WASF3: variants seen among roughly 807,000 people sequenced by gnomAD.
WASF3 encodes WASP family member 3.
In WASF3, 11 loss-of-function variants were observed where a neutral mutation model predicts 46.6. The ratio of observed to expected loss-of-function variants is 0.24; its 90% CI spans 0.15 to 0.39. The LOEUF (loss-of-function observed/expected upper bound fraction) is 0.39, where lower values mean the gene tolerates loss of function less well. Among genes scored for constraint, WASF3 ranks in the 10% least tolerant of loss-of-function variants. The pLI is 1.00. For missense variants in WASF3, 576 were observed against 669.8 expected (o/e 0.86, Z 1.55); for synonymous variants, 242 against 259.7 (o/e 0.93, Z 0.65).
chr13:26,541,498 T>C, the WASF3 span, among the ~76,000 whole-genome samples: 1 of 152,190 alleles, frequency 6.6e-6, no homozygotes. Context: ...AGCACTTAAG[T>C]GGTGCCTGGT....
intron 3 of WASF3, among the ~76,000 whole-genome samples, chr13:26,648,804 A>C (rs1882227404): frequency 6.6e-6 from 1 of 152,190 alleles, no homozygotes; most frequent in Admixed American, 6.5e-5. Context: ...AGAAGATAGA[A>C]GTTCTGTCAG....
chr13:26,564,904 T>TC, intron 1 of WASF3, among the ~76,000 whole-genome samples: 1 of 143,256 alleles, frequency 7.0e-6, no homozygotes, highest in South Asian at 2.2e-4. Context: ...GTTGTGGTTT[T>TC]TTTTTTTTTT....
Position 26,676,544 on chromosome 13 carries a change from A to G in WASF3, c.541-5A>G, listed in dbSNP as rs202051909. On this transcript the variant is annotated splice_region_variant and splice_polypyrimidine_tract_variant and intron_variant, in intron 6 of 9. Coordinates refer to ENST00000335327, the MANE Select transcript of WASF3 (RefSeq NM_006646.6). ...GCATGCTCTCTTTCCTTTCCTGGAC[A>G]TCAGGAGCAAAAGCGTATAGATGGC... is the stretch of plus-strand genomic sequence containing the variant. 1.1e-4 allele frequency: 181 copies of G among 1,612,660 alleles called. No individual in the cohort carries two copies. The highest frequency in any genetic ancestry group is 6.7e-5 in the Admixed American group (4 of 59,730).
At chr13:26,613,702 G>A (rs972171729) in intron 2 of WASF3, among the ~76,000 whole-genome samples, 3 of 152,090 alleles carry the variant, frequency 2.0e-5, no homozygotes, top group African/African-American at 4.8e-5. Flanking sequence ...CCCAGAAGGC[G>A]GAGCTTGCAG....
chr13:26,637,856 A>G (rs1881876438), intron 2 of WASF3, among the ~76,000 whole-genome samples: 1 of 152,166 alleles, frequency 6.6e-6, no homozygotes, highest in Non-Finnish European at 1.5e-5. Context: ...CCATCTCACC[A>G]CCTGCTTTCT....
chr13:26,546,571 G>T, the WASF3 span, among the ~76,000 whole-genome samples: 3 of 152,076 alleles, frequency 2.0e-5, no homozygotes, highest in African/African-American at 7.2e-5. Flanking sequence ...ATTAGGCTGG[G>T]TGGGGTGGCG....
chr13:26,630,842 G>C (rs1276812094), intron 2 of WASF3, among the ~76,000 whole-genome samples: 2 of 152,136 alleles, frequency 1.3e-5, no homozygotes, highest in Non-Finnish European at 2.9e-5. Flanking sequence ...ACTTTTTAAT[G>C]ATTGCCATTC....
chr13:26,631,796 A>T (rs918267085), intron 2 of WASF3, among the ~76,000 whole-genome samples: 4 of 152,160 alleles, frequency 2.6e-5, no homozygotes, highest in African/African-American at 9.7e-5. Flanking sequence ...GATTCTTCCT[A>T]TCCATGAGCA....
chr13:26,625,089 AT>A (rs1338826497), intron 2 of WASF3, among the ~76,000 whole-genome samples: 1 of 152,112 alleles, frequency 6.6e-6, no homozygotes, highest in East Asian at 1.9e-4. Flanking sequence ...AATATGTTAT[AT>A]TTTTTCTTAT....
intron 2 of WASF3, among the ~76,000 whole-genome samples, chr13:26,631,991 A>G (rs1476873588): frequency 2.0e-5 from 3 of 152,232 alleles, no homozygotes; most frequent in African/African-American, 7.2e-5. Flanking sequence ...ATTGGTGTAT[A>G]GGAATGCTTG....
chr13:26,632,904 G>A (rs1259948691), intron 2 of WASF3, among the ~76,000 whole-genome samples: 1 of 151,958 alleles, frequency 6.6e-6, no homozygotes, highest in Non-Finnish European at 1.5e-5. Flanking sequence ...GTCTTGGGAG[G>A]GTGTATGTGT....
At chr13:26,636,824 G>A (rs1881839105) in intron 2 of WASF3, among the ~76,000 whole-genome samples, 1 of 152,174 alleles carries the variant, frequency 6.6e-6, no homozygotes, top group Non-Finnish European at 1.5e-5. Context: ...CATATCACAG[G>A]TGTGTTGCCC....
In WASF3 at chr13:26,613,235, T is replaced by A. The variant is rs561511853; in HGVS notation, c.-11+177T>A. Among the ~76,000 whole-genome samples, 58 of 151,506 alleles carry A rather than the reference T, an allele frequency of 3.8e-4. No homozygotes were observed. In the South Asian group the frequency reaches 0.011, roughly 30 times the overall value. On this transcript the variant is annotated intron_variant, in intron 2 of 9. Coordinates refer to ENST00000335327, the MANE Select transcript of WASF3 (RefSeq NM_006646.6). ...GCAGGTAATATTTTAGAGCTTTAGA[T>A]CCTAATTAATAGTTTGGGACATTGA...
At chr13:26,611,702 C>A (rs1350551918) in intron 1 of WASF3, among the ~76,000 whole-genome samples, 1 of 152,150 alleles carries the variant, frequency 6.6e-6, no homozygotes, top group Non-Finnish European at 1.5e-5. Context: ...AAAAAGCTCA[C>A]TTTTCTCTTT....
At chr13:26,634,699 C>T (rs1881763494) in intron 2 of WASF3, among the ~76,000 whole-genome samples, 1 of 152,214 alleles carries the variant, frequency 6.6e-6, no homozygotes, top group Admixed American at 6.5e-5. Flanking sequence ...CAAAATCTCT[C>T]AGCATTTGCT....
In WASF3 at chr13:26,665,129, A is replaced by C. The variant is rs1342499003; in HGVS notation, c.235A>C (p.Lys79Gln). 6.2e-7 allele frequency: 1 copy of C among 1,613,998 alleles called. No individual in the cohort carries two copies. Residue 79 changes from lysine to glutamine, a missense_variant, in exon 4 of 10, where the codon AAA becomes CAA. Coordinates refer to ENST00000335327, the MANE Select transcript of WASF3 (RefSeq NM_006646.6). ...LQDRIDRLAV[K>Q]VTQLDSTVEE... ...AGACAGAATTGATCGCCTTGCTGTCAAAGTCACCCAGCTGGATTCAACAGT... is the reference window on the plus strand; with the variant it reads ...AGACAGAATTGATCGCCTTGCTGTCCAAGTCACCCAGCTGGATTCAACAGT...
intron 3 of WASF3, among the ~76,000 whole-genome samples, chr13:26,652,036 ACAGT>A (rs995174278): frequency 1.3e-5 from 2 of 152,232 alleles, no homozygotes; most frequent in Non-Finnish European, 2.9e-5. Flanking sequence ...CAAATGGAAA[ACAGT>A]CAGATGATAG....
intron 1 of WASF3, among the ~76,000 whole-genome samples, chr13:26,596,052 A>C (rs1880450816): frequency 6.6e-6 from 1 of 151,676 alleles, no homozygotes; most frequent in African/African-American, 2.4e-5. Context: ...AGAATGTGCC[A>C]AACTATTTTC....
intron 1 of WASF3, among the ~76,000 whole-genome samples, chr13:26,572,911 A>G (rs1879683308): frequency 6.6e-6 from 1 of 152,180 alleles, no homozygotes; most frequent in South Asian, 2.1e-4. Flanking sequence ...AGAATTTGGC[A>G]TTAATATTCA....
Sources: gnomAD v4.1 joint callset for allele counts (sites outside exome capture counted in the v4.1 genomes callset) on GRCh38, gnomAD v4.1.1 for gene constraint, MANE v1.5 for transcripts, NCBI Gene and HGNC (gene_info 2026-07-23, HGNC 2026-07-21) for gene names.